LTO1: variants seen among roughly 807,000 people sequenced by gnomAD.
LTO1 encodes protein LTO1 homolog.
Under a neutral mutation model 19.8 loss-of-function variants are expected in LTO1, and 18 were observed. The ratio of observed to expected loss-of-function variants is 0.91; its 90% confidence interval spans 0.63 to 1.35. The LOEUF is 1.35. LTO1 is among the 40% of genes most tolerant of loss of function. The pLI is 0.00. For synonymous variants in LTO1, 59 were observed against 59.6 expected (o/e 0.99, Z 0.05); for missense variants, 175 against 167.9 (o/e 1.04, Z -0.23).
Position 69,673,218 on chromosome 11 carries a change from C to G in LTO1, c.154G>C (p.Glu52Gln), listed in dbSNP as rs774287410. The change falls in exon 2 of 5, where the codon GAG (glutamate) becomes CAG (glutamine). Residue 52 changes from glutamate (E) to glutamine (Q), a missense_variant and splice_region_variant. By Grantham distance (29) the Glu-to-Gln change is conservative. Coordinates refer to ENST00000279147, the MANE Select transcript of LTO1 (RefSeq NM_153451.3). Reference sequence around the variant, plus strand: ...TCCAGATGGGGGTTCCCACTTACCTCAGACCCGATTTTGGCTCCATGCAGC... The same window carrying G: ...TCCAGATGGGGGTTCCCACTTACCTGAGACCCGATTTTGGCTCCATGCAGC... Reference protein sequence around the residue: ...GTLHGAKIGSEIGCYQGFAFA... With the variant: ...GTLHGAKIGSQIGCYQGFAFA... 2.1e-5 allele frequency: 33 copies of G among 1,586,772 alleles called. No homozygotes were observed. The highest frequency in any genetic ancestry group is 2.9e-5 in the Non-Finnish European group (33 of 1,155,110).
At chr11:69,667,806 T>C (rs1397527530) in intron 4 of LTO1, 89 bp downstream of exon 4, 3 of 810,946 alleles carry the variant, frequency 3.7e-6, no homozygotes, top group Non-Finnish European at 6.5e-6. Flanking sequence ...CCCCAGGCCA[T>C]TGCCGCAGCG....
chr11:69,673,197 G>T lies in LTO1; in HGVS notation c.156+19C>A, dbSNP rs779808865. 4 of 1,317,432 alleles carry T rather than the reference G, an allele frequency of 3.0e-6. No homozygotes were observed. In the South Asian group the frequency reaches 4.7e-5, roughly 15 times the overall value. The allele number at this position is 1,317,432 out of a possible 1,614,324, so 81.6% of individuals were successfully genotyped here. On this transcript the variant is annotated intron_variant, in intron 2 of 4. Transcript: ENST00000279147. ...TGTAAATGAAGAGGCTTCATCTCCA[G>T]ATGGGGGTTCCCACTTACCTCAGAC... is the stretch of plus-strand genomic sequence containing the variant.
chr11:69,669,600 C>A (rs1856079364), intron 3 of LTO1, among the ~76,000 whole-genome samples: 1 of 152,192 alleles, frequency 6.6e-6, no homozygotes. Context: ...TTCCACTTGG[C>A]AAGCGGTTAC....
chr11:69,675,115 T>C, intron 1 of LTO1, 75 bp downstream of exon 1: 1 of 1,393,130 alleles, frequency 7.2e-7, no homozygotes, highest in Non-Finnish European at 1.0e-6. Flanking sequence ...GCAGCCGCCC[T>C]GGGCCGCAGC....
At chr11:69,675,160 GC>G in intron 1 of LTO1, 29 bp downstream of exon 1, 1 of 1,587,870 alleles carries the variant, frequency 6.3e-7, no homozygotes, top group South Asian at 1.1e-5. Flanking sequence ...ACCAGACAGG[GC>G]GGGGTGCGGG....
intron 2 of LTO1, 62 bp downstream of exon 2, chr11:69,673,154 T>C (rs752830561): frequency 2.1e-6 from 2 of 962,948 alleles, no homozygotes; most frequent in Non-Finnish European, 3.4e-6. Context: ...ACACTGAATA[T>C]CGAAATAAAT....
At chr11:69,668,357 C>T (rs1370021709) in intron 3 of LTO1, 3 of 203,088 alleles carry the variant, frequency 1.5e-5, no homozygotes, top group South Asian at 1.0e-4. Flanking sequence ...GGGCTGGGCA[C>T]GAGCAGGCCT....
Position 69,667,022 on chromosome 11 carries a change from GA to G in LTO1, c.*496del, listed in dbSNP as rs1217428307. 1 of 154,930 alleles carries G rather than the reference GA, an allele frequency of 6.5e-6. No homozygotes were observed. Among genetic ancestry groups the G allele is most frequent in the Non-Finnish European group, 1.4e-5 (1 of 70,090 alleles). 9.6% of individuals were successfully genotyped at this position (154,930 alleles called of 1,614,324 possible). Reference sequence around the variant, plus strand: ...AATAACACCCATCTTGTGGGCTCCTGAAGGGATTAAATAACACACGGGAGGC... The same window carrying G: ...AATAACACCCATCTTGTGGGCTCCTGAGGGATTAAATAACACACGGGAGGC... On this transcript the variant is annotated 3_prime_UTR_variant, in exon 5 of 5. Transcript: ENST00000279147.
chr11:69,667,642 G>T, intron 4 of LTO1, 55 bp from the exon 5 acceptor site: 1 of 1,266,286 alleles, frequency 7.9e-7, no homozygotes, highest in Admixed American at 1.7e-5. Context: ...ACTGAAAAAT[G>T]AGAAGATAAC....
At chr11:69,671,865 G>C in intron 2 of LTO1, 46 bp from the exon 3 acceptor site, 1 of 1,073,582 alleles carries the variant, frequency 9.3e-7, no homozygotes, top group Non-Finnish European at 1.5e-6. Flanking sequence ...TAAGCAACTA[G>C]CTACACTTTC....
intron 3 of LTO1, 49 bp downstream of exon 3, chr11:69,671,700 T>C (rs569062100): frequency 2.0e-5 from 21 of 1,031,884 alleles, no homozygotes; most frequent in Admixed American, 6.8e-5. Flanking sequence ...CCCATGGAAC[T>C]AGAACTCCTG....
At chr11:69,668,407 T>G (rs962122116) in intron 3 of LTO1, 8 of 165,816 alleles carry the variant, frequency 4.8e-5, no homozygotes, top group African/African-American at 7.2e-5. Flanking sequence ...GGATTCTTTG[T>G]GCTCAAAGCC....
At chr11:69,667,646 A>G in intron 4 of LTO1, 59 bp from the exon 5 acceptor site, 1 of 1,196,782 alleles carries the variant, frequency 8.4e-7, no homozygotes, top group South Asian at 1.2e-5. Flanking sequence ...AAAAATGAGA[A>G]GATAACTCTA....
rs370978793 is a variant in LTO1 at position 69,667,999 on chromosome 11, C to T, written c.241G>A (p.Val81Ile). ...ATCATTCCAATCAATGATTCTAAGA[C>T]CTTCATCTTTCTGCTGTAAAGCACA... ...TTEKDSRKMK[V>I]LESLIGMIQK... Residue 81 changes from valine to isoleucine, a missense_variant, in exon 4 of 5, where the codon GTC becomes ATC. Transcript: ENST00000279147. 10 of 1,529,360 alleles carry T rather than the reference C, an allele frequency of 6.5e-6. No homozygotes were observed. Among genetic ancestry groups the T allele is most frequent in the Non-Finnish European group, 9.1e-6 (10 of 1,102,804 alleles). The allele number at this position is 1,529,360 out of a possible 1,614,324, so 94.7% of individuals were successfully genotyped here.
At chr11:69,670,571 C>T (rs965955029) in intron 3 of LTO1, among the ~76,000 whole-genome samples, 8 of 152,198 alleles carry the variant, frequency 5.3e-5, no homozygotes, top group South Asian at 2.1e-4. Context: ...AAGAACTACC[C>T]GTATCAGTTG....
At chr11:69,674,940 TG>T (rs1468443637) in intron 1 of LTO1, 2 of 688,812 alleles carry the variant, frequency 2.9e-6, no homozygotes, top group Non-Finnish European at 5.3e-6. Context: ...AGCAGATGTT[TG>T]GGGCAGCCCT....
intron 3 of LTO1, among the ~76,000 whole-genome samples, chr11:69,669,027 C>CA (rs33977473): frequency 0.019 from 2,093 of 110,522 alleles, 41 homozygotes; most frequent in African/African-American, 0.054. Flanking sequence ...GAATCCGTCT[C>CA]AAAAAAAAAA....
intron 1 of LTO1, chr11:69,674,706 TCAGCCAGGAGGCAACTCA>T (rs1331647689): frequency 2.2e-6 from 1 of 455,418 alleles, no homozygotes; most frequent in Non-Finnish European, 4.4e-6. Flanking sequence ...GCACTGGAAG[TCAGCCAGGAGGCAACTCA>T]CAGCTCCCCC....
intron 4 of LTO1, 147 bp downstream of exon 4, chr11:69,667,748 C>T (rs933899616): frequency 2.4e-5 from 17 of 708,132 alleles, no homozygotes; most frequent in African/African-American, 1.4e-4. Flanking sequence ...TCCTGCACTG[C>T]GACTCAAGGA....
Sources: gnomAD v4.1 joint callset for allele counts (sites outside exome capture counted in the v4.1 genomes callset) on GRCh38, gnomAD v4.1.1 for gene constraint, MANE v1.5 for transcripts, NCBI Gene and HGNC (gene_info 2026-07-23, HGNC 2026-07-21) for gene names.